Variants in PSMB2 observed in about 807,000 individuals in gnomAD.
The protein encoded by PSMB2 is proteasome 20S subunit beta 2.
A neutral mutation model predicts 25.7 loss-of-function variants in PSMB2; 13 were observed. That is an observed-to-expected ratio of 0.51 (90% CI 0.33 to 0.80). PSMB2 has a LOEUF of 0.80. Among genes scored for constraint, PSMB2 ranks in the 30% least tolerant of loss-of-function variants. PSMB2 has a pLI of 0.02. For missense variants in PSMB2, 202 were observed against 259.0 expected (o/e 0.78, Z 1.51); for synonymous variants, 87 against 96.2 (o/e 0.90, Z 0.56).
chr1:35,614,544 G>A lies in PSMB2; in HGVS notation c.286-5136C>T, dbSNP rs1332251887. ...AGACAAAGTTTTGAGGTCCCCAAGG[G>A]GAAGAACTGCAACATACAAGACTAG... On this transcript the variant is annotated intron_variant, in intron 3 of 5. Coordinates refer to ENST00000373237, the MANE Select transcript of PSMB2 (RefSeq NM_002794.5). Among the ~76,000 whole-genome samples the A allele has an allele frequency of 2.0e-5, 3 of 152,240 alleles. No individual in the cohort carries two copies. The East Asian group carries it at 5.8e-4, about 29-fold the overall frequency.
intron 3 of PSMB2, among the ~76,000 whole-genome samples, chr1:35,617,902 C>A (rs768571424): frequency 6.6e-6 from 1 of 152,184 alleles, no homozygotes; most frequent in Non-Finnish European, 1.5e-5. Context: ...CTGATCCAAG[C>A]CTTTTTTCAT....
chr1:35,637,541 T>A (rs761352372), intron 1 of PSMB2, among the ~76,000 whole-genome samples: 5 of 152,216 alleles, frequency 3.3e-5, no homozygotes, highest in Non-Finnish European at 7.3e-5. Context: ...ACTTTCACTT[T>A]CACTTTTCAT....
chr1:35,607,488 C>A (rs2148562585), intron 4 of PSMB2, among the ~76,000 whole-genome samples: 1 of 152,282 alleles, frequency 6.6e-6, no homozygotes, highest in African/African-American at 2.4e-5. Context: ...CACCTCATCC[C>A]AGTTAGGAAT....
At chr1:35,614,819 T>G (rs1340782532) in intron 3 of PSMB2, among the ~76,000 whole-genome samples, 2 of 152,350 alleles carry the variant, frequency 1.3e-5, no homozygotes, top group South Asian at 4.1e-4. Flanking sequence ...GCTTCTAGCA[T>G]GAGGTACCAC....
rs761723609 is a variant in PSMB2 at position 35,631,276 on chromosome 1, G to A, written c.283C>T (p.Arg95Trp). The stretch of plus-strand genomic sequence containing the variant: ...ACAATGTCTGATATATTACTTACCC[G>A]ACTCCGAAGACAGTCAGCCAGGTTT... ...RRNLADCLRS[R>W]TPYHVNLLLA... Residue 95 changes from arginine to tryptophan, a missense_variant and splice_region_variant, in exon 3 of 6, where the codon CGG (arginine) becomes TGG (tryptophan). Coordinates refer to ENST00000373237, the MANE Select transcript of PSMB2 (RefSeq NM_002794.5). The A allele has an allele frequency of 5.7e-5, 92 of 1,613,340 alleles. No homozygotes were observed. The highest frequency in any genetic ancestry group is 6.7e-5 in the Non-Finnish European group (79 of 1,179,420).
chr1:35,618,506 A>G (rs1051152036), intron 3 of PSMB2, among the ~76,000 whole-genome samples: 1 of 152,040 alleles, frequency 6.6e-6, no homozygotes, highest in Non-Finnish European at 1.5e-5. Context: ...CTAAGTTGCC[A>G]TAAGAAATTG....
chr1:35,618,762 A>C (rs770532655), intron 3 of PSMB2, among the ~76,000 whole-genome samples: 20 of 152,160 alleles, frequency 1.3e-4, no homozygotes, highest in Non-Finnish European at 2.9e-4. Context: ...GTTGAAAACA[A>C]TTTTCTCTTA....
Position 35,603,242 on chromosome 1 carries a change from G to A in PSMB2, c.*25C>T. The A allele has an allele frequency of 1.5e-5, 24 of 1,601,324 alleles. No individual in the cohort carries two copies. The highest frequency in any genetic ancestry group is 2.0e-5 in the Non-Finnish European group (24 of 1,176,680). Reference sequence around the variant, plus strand: ...GGAGCCCATCAAAAAAAAGTTCCCTGGCAAGTGGGAGGGAGGACATGATGT... The same window carrying A: ...GGAGCCCATCAAAAAAAAGTTCCCTAGCAAGTGGGAGGGAGGACATGATGT... On this transcript the variant is annotated 3_prime_UTR_variant, in exon 6 of 6. Transcript: ENST00000373237.
At chr1:35,614,421 G>T (rs1195397420) in intron 3 of PSMB2, among the ~76,000 whole-genome samples, 1 of 152,160 alleles carries the variant, frequency 6.6e-6, no homozygotes, top group Non-Finnish European at 1.5e-5. Context: ...AGATTACCAA[G>T]AATCTTTTAA....
rs1300219654 is a variant in PSMB2, at chr1:35,599,690, G to A, written c.*3577C>T. On this transcript the variant is annotated 3_prime_UTR_variant, in exon 6 of 6. Coordinates refer to ENST00000373237, the MANE Select transcript of PSMB2 (RefSeq NM_002794.5). ...ATGGAAAACCACCAGAAAGTTTTAA[G>A]GGCAGAGAGGAATGGATGGTGAAAC... 1.1e-5 allele frequency: 11 copies of A among 985,100 alleles called. No individual in the cohort carries two copies. Among genetic ancestry groups the A allele is most frequent in the Non-Finnish European group, 1.3e-5 (11 of 829,732 alleles). 61.0% of individuals were successfully genotyped at this position (985,100 alleles called of 1,614,324 possible).
At position 35,601,058 on chromosome 1, in the gene PSMB2, T is replaced by A. The variant is rs1409542612; in HGVS notation, c.*2209A>T. ...AGGGCGTCAGAATCATCTGTGGCGC[T>A]TTTTTTTTTTTTTTTTTTTTTTTTT... On this transcript the variant is annotated 3_prime_UTR_variant, in exon 6 of 6. Coordinates refer to ENST00000373237, the MANE Select transcript of PSMB2 (RefSeq NM_002794.5). The A allele has an allele frequency of 3.3e-4, 2 of 6,014 alleles. No individual in the cohort carries two copies. Among genetic ancestry groups the A allele is most frequent in the Non-Finnish European group, 5.3e-4 (2 of 3,754 alleles). 0.4% of individuals were successfully genotyped at this position (6,014 alleles called of 1,614,324 possible). A position where few individuals can be genotyped will look rare whatever the true frequency, so the allele number is the denominator to read the frequency against.
intron 3 of PSMB2, among the ~76,000 whole-genome samples, chr1:35,620,495 A>G (rs1205905190): frequency 1.3e-5 from 2 of 151,962 alleles, no homozygotes; most frequent in Non-Finnish European, 2.9e-5. Context: ...AGAGAGGCCC[A>G]CTGCTTGTAT....
At chr1:35,640,060 A>ACAC in intron 1 of PSMB2, among the ~76,000 whole-genome samples, 1 of 147,324 alleles carries the variant, frequency 6.8e-6, no homozygotes, top group Non-Finnish European at 1.5e-5. Context: ...AAGTACTATA[A>ACAC]TATACTATAC....
Position 35,636,410 on chromosome 1 carries a change from C to G in PSMB2, c.114G>C (p.Met38Ile). 6.2e-7 allele frequency: 1 copy of G among 1,614,010 alleles called. No homozygotes were observed. Among genetic ancestry groups the G allele is most frequent in the Non-Finnish European group, 8.5e-7 (1 of 1,179,956 alleles). Residue 38 changes from methionine (M) to isoleucine (I), a missense_variant, in exon 2 of 6, where the codon ATG becomes ATC. Transcript: ENST00000373237. ...CACACAGGAGTAATATCTTTTCACTCATCTTAAACATCTTGTCATGATCTG... is the reference window on the plus strand; with the variant it reads ...CACACAGGAGTAATATCTTTTCACTGATCTTAAACATCTTGTCATGATCTG... ...MKDDHDKMFK[M>I]SEKILLLCVG...
chr1:35,635,389 G>A (rs1440082265), intron 2 of PSMB2, among the ~76,000 whole-genome samples: 1 of 151,760 alleles, frequency 6.6e-6, no homozygotes, highest in Non-Finnish European at 1.5e-5. Context: ...TTACAGGCAT[G>A]AGCCATCATA....
At chr1:35,620,389 C>G (rs1036750924) in intron 3 of PSMB2, among the ~76,000 whole-genome samples, 2 of 152,178 alleles carry the variant, frequency 1.3e-5, no homozygotes, top group African/African-American at 4.8e-5. Context: ...TTCCTTCATT[C>G]TTTCCCCAAA....
chr1:35,638,358 T>C (rs905599588), intron 1 of PSMB2, among the ~76,000 whole-genome samples: 1 of 152,138 alleles, frequency 6.6e-6, no homozygotes, highest in Non-Finnish European at 1.5e-5. Flanking sequence ...GCCAACAAAA[T>C]GAACAACATT....
At chr1:35,631,682 AAG>A in intron 2 of PSMB2, 1 of 217,552 alleles carries the variant, frequency 4.6e-6, no homozygotes, top group East Asian at 1.3e-4. Flanking sequence ...GTGAAAAAAA[AAG>A]AAAGGCGTCT....
At chr1:35,614,941 C>CA (rs1650450692) in intron 3 of PSMB2, among the ~76,000 whole-genome samples, 1 of 152,050 alleles carries the variant, frequency 6.6e-6, no homozygotes, top group South Asian at 2.1e-4. Flanking sequence ...CAGTGAAGTG[C>CA]ATTTAGGTCA....
Sources: allele counts gnomAD v4.1 joint callset (sites outside exome capture counted in the v4.1 genomes callset), GRCh38; gene constraint gnomAD v4.1.1; transcripts MANE v1.5; gene names NCBI Gene and HGNC (gene_info 2026-07-23, HGNC 2026-07-21).